FRMPD4: variants seen among roughly 807,000 people sequenced by gnomAD.
FRMPD4 encodes the protein FERM and PDZ domain containing 4.
Under a neutral mutation model 94.1 loss-of-function variants are expected in FRMPD4, and 22 were observed. That is an observed-to-expected ratio of 0.23 (90% confidence interval 0.17 to 0.33). FRMPD4 has a LOEUF of 0.33. Ranked by LOEUF, FRMPD4 falls within the 10% of genes least tolerant of loss-of-function variation. FRMPD4 has a pLI of 1.00. For missense variants in FRMPD4, 1,111 were observed against 1,339.9 expected (o/e 0.83, Z 2.67); for synonymous variants, 631 against 548.6 (o/e 1.15, Z -2.10).
chrX:12,307,639 A>G (rs990468529), intron 1 of FRMPD4, among the ~76,000 whole-genome samples: 3 of 112,131 alleles, frequency 2.7e-5, no homozygotes, highest in Admixed American at 9.5e-5. Flanking sequence ...GTCTGTATAC[A>G]TGAGTGTATT....
Position 11,935,269 on chromosome X carries a change from G to GTTTTTTTT in FRMPD4, c.95+57271_95+57278dup. Among the ~76,000 whole-genome samples, 29 of 5,012 alleles carry GTTTTTTTT rather than the reference G, an allele frequency of 5.8e-3. 13 individuals are homozygous for GTTTTTTTT. Among genetic ancestry groups the GTTTTTTTT allele is most frequent in the Non-Finnish European group, 8.5e-3 (25 of 2,948 alleles). 4.4% of individuals were successfully genotyped at this position (5,012 alleles called of 115,157 possible). A position where few individuals can be genotyped will look rare whatever the true frequency, so the allele number is the denominator to read the frequency against. ...TTGTTGTTTTTTTTTTTTTTAATGT[G>GTTTTTTTT]TTTTTTTTTTTTTTTTTTTTTTTTT... On this transcript the variant is annotated intron_variant, in intron 3 of 18. Transcript: ENST00000640291.
intron 1 of FRMPD4, among the ~76,000 whole-genome samples, chrX:12,301,008 C>T (rs1366448979): frequency 8.9e-6 from 1 of 112,073 alleles, no homozygotes; most frequent in African/African-American, 3.2e-5. Context: ...CACCAAAGAG[C>T]AGAAGTGTTT....
chrX:12,577,607 A>C (rs1256064746), intron 2 of FRMPD4, among the ~76,000 whole-genome samples: 1 of 111,316 alleles, frequency 9.0e-6, no homozygotes, highest in Non-Finnish European at 1.9e-5. Flanking sequence ...CTAAGAGAGT[A>C]GCTTGGATGG....
rs578213920 is a variant in FRMPD4, at chrX:12,232,667, A to G, written c.41+93655A>G. Among the ~76,000 whole-genome samples, 3 of 111,471 alleles carry G rather than the reference A, an allele frequency of 2.7e-5. No individual in the cohort carries two copies. In the South Asian group the frequency reaches 1.1e-3, roughly 42 times the overall value. The stretch of plus-strand genomic sequence containing the variant: ...GTGGGGTTGGAGTAGGGAGGGGTCA[A>G]TTTTTCAATGATCTGAGAACTAAAT... On this transcript the variant is annotated intron_variant, in intron 1 of 16. Transcript: ENST00000675598.
At chrX:12,379,259 C>T (rs912555084) in intron 1 of FRMPD4, among the ~76,000 whole-genome samples, 3 of 111,933 alleles carry the variant, frequency 2.7e-5, no homozygotes, top group Non-Finnish European at 3.8e-5. Context: ...ATATAAATTC[C>T]GTGCAAGTAA....
chrX:12,484,935 T>C (rs938645550), intron 1 of FRMPD4, among the ~76,000 whole-genome samples: 1 of 112,421 alleles, frequency 8.9e-6, no homozygotes, highest in Non-Finnish European at 1.9e-5. Context: ...TACTTACTAC[T>C]CGATAGCAGG....
intron 3 of FRMPD4, among the ~76,000 whole-genome samples, chrX:11,921,876 T>G (rs1287610180): frequency 8.9e-6 from 1 of 112,192 alleles, no homozygotes; most frequent in Non-Finnish European, 1.9e-5. Context: ...TTAGTTACAG[T>G]ATGATGCAGG....
intron 2 of FRMPD4, among the ~76,000 whole-genome samples, chrX:11,875,702 C>A (rs1207767515): frequency 9.1e-6 from 1 of 110,183 alleles, no homozygotes; most frequent in Non-Finnish European, 1.9e-5. Flanking sequence ...AAATGGGACA[C>A]AGAACCTCTC....
At chrX:12,371,222 C>G (rs915402328) in intron 1 of FRMPD4, among the ~76,000 whole-genome samples, 2 of 112,364 alleles carry the variant, frequency 1.8e-5, no homozygotes, top group African/African-American at 6.5e-5. Context: ...ATAAATTATC[C>G]AAATGACATT....
rs1263793179 is a variant in FRMPD4 at position 12,371,034 on chromosome X, AAT to A, written c.42-127644_42-127643del. 4.5e-5 allele frequency among the ~76,000 whole-genome samples: 5 copies of A among 112,336 alleles called. No individual in the cohort carries two copies. The East Asian group carries it at 1.4e-3, about 31-fold the overall frequency. On this transcript the variant is annotated intron_variant, in intron 1 of 16. Transcript: ENST00000675598. The stretch of plus-strand genomic sequence containing the variant: ...CCTGTTATTGGATAGGGAATGCAGA[AAT>A]AGATTGCTTCCCTTTTTGCCTTGAC...
At chrX:12,270,371 C>T (rs1285113139) in intron 1 of FRMPD4, among the ~76,000 whole-genome samples, 1 of 111,545 alleles carries the variant, frequency 9.0e-6, no homozygotes, top group African/African-American at 3.3e-5. Flanking sequence ...ATCTGTCCAT[C>T]TGGTTGATTC....
At chrX:11,891,563 A>G (rs2053873845) in intron 3 of FRMPD4, among the ~76,000 whole-genome samples, 1 of 112,031 alleles carries the variant, frequency 8.9e-6, no homozygotes, top group Non-Finnish European at 1.9e-5. Flanking sequence ...CCACCACAGG[A>G]TAGGTTAACA....
intron 12 of FRMPD4, among the ~76,000 whole-genome samples, 180 bp downstream of exon 12, chrX:12,707,095 C>T (rs1044365084): frequency 9.1e-6 from 1 of 109,449 alleles, no homozygotes; most frequent in African/African-American, 3.3e-5. Flanking sequence ...TGCAGAATGC[C>T]CTAGAAAAAG....
chrX:12,582,113 A>G (rs1368684465), intron 2 of FRMPD4, among the ~76,000 whole-genome samples: 1 of 112,308 alleles, frequency 8.9e-6, no homozygotes, highest in Non-Finnish European at 1.9e-5. Context: ...TATTAAATGC[A>G]TGCATGCAAG....
chrX:11,857,199 G>C (rs756145937), intron 1 of FRMPD4, among the ~76,000 whole-genome samples: 33 of 111,366 alleles, frequency 3.0e-4, no homozygotes, highest in Admixed American at 1.2e-3. Flanking sequence ...GAGAACTAAA[G>C]AAAAGTATTT....
At chrX:11,999,655 G>A (rs899647818) in intron 3 of FRMPD4, among the ~76,000 whole-genome samples, 2 of 112,205 alleles carry the variant, frequency 1.8e-5, no homozygotes, top group African/African-American at 3.2e-5. Context: ...GCAAAGCAAC[G>A]TGACAATCAT....
chrX:11,895,591 TAAATG>T (rs926932333), intron 3 of FRMPD4, among the ~76,000 whole-genome samples: 16 of 111,895 alleles, frequency 1.4e-4, no homozygotes, highest in African/African-American at 5.2e-4. Context: ...ATTCAGCAGT[TAAATG>T]AGATGGAAAT....
At chrX:11,890,267 G>A (rs2053867125) in intron 3 of FRMPD4, among the ~76,000 whole-genome samples, 1 of 112,361 alleles carries the variant, frequency 8.9e-6, no homozygotes, top group Non-Finnish European at 1.9e-5. Context: ...GCAAAGTGCT[G>A]TCCTTAGACC....
chrX:12,358,685 C>A (rs1311566653), intron 1 of FRMPD4, among the ~76,000 whole-genome samples: 1 of 111,766 alleles, frequency 8.9e-6, no homozygotes, highest in Non-Finnish European at 1.9e-5. Context: ...TCATTACTTA[C>A]CATGATTTAA....
Sources: allele counts gnomAD v4.1 joint callset (sites outside exome capture counted in the v4.1 genomes callset), GRCh38; gene constraint gnomAD v4.1.1; transcripts MANE v1.5; gene names NCBI Gene and HGNC (gene_info 2026-07-23, HGNC 2026-07-21).